MYOZ2: variants seen among roughly 807,000 people sequenced by gnomAD.
The protein encoded by MYOZ2 is myozenin 2.
MYOZ2 carries 19 observed loss-of-function variants against 25.4 expected under a neutral mutation model. The observed-to-expected ratio is 0.75, with a 90% CI of 0.52 to 1.10. The LOEUF (loss-of-function observed/expected upper bound fraction) is 1.10. Among genes scored for constraint, MYOZ2 ranks in the 50% least tolerant of loss-of-function variants. The pLI is 0.00. For missense variants in MYOZ2, 270 were observed against 317.9 expected (o/e 0.85, Z 1.15); for synonymous variants, 92 against 106.9 (o/e 0.86, Z 0.86).
At chr4:119,177,218 C>T (rs1307566062) in intron 5 of MYOZ2, among the ~76,000 whole-genome samples, 2 of 152,182 alleles carry the variant, frequency 1.3e-5, no homozygotes, top group African/African-American at 4.8e-5. Flanking sequence ...ACACACATCT[C>T]ATCTTCCTCT....
intron 2 of MYOZ2, among the ~76,000 whole-genome samples, chr4:119,148,435 C>T (rs923158152): frequency 6.6e-6 from 1 of 152,032 alleles, no homozygotes; most frequent in Non-Finnish European, 1.5e-5. Flanking sequence ...AGTACTTTTC[C>T]AGCCTCCCCT....
intron 5 of MYOZ2, among the ~76,000 whole-genome samples, chr4:119,177,428 T>C (rs1414671595): frequency 6.6e-6 from 1 of 152,202 alleles, no homozygotes; most frequent in Non-Finnish European, 1.5e-5. Flanking sequence ...AAATTCGGTC[T>C]GTGAAGACAA....
At chr4:119,173,979 C>G (rs1278583589) in intron 5 of MYOZ2, among the ~76,000 whole-genome samples, 1 of 152,236 alleles carries the variant, frequency 6.6e-6, no homozygotes. Flanking sequence ...GCCAGCCCAC[C>G]GGCGCTGCAC....
At chr4:119,180,188 C>G (rs1742159108) in intron 5 of MYOZ2, among the ~76,000 whole-genome samples, 1 of 152,088 alleles carries the variant, frequency 6.6e-6, no homozygotes, top group Non-Finnish European at 1.5e-5. Flanking sequence ...TTAGACTGCT[C>G]TATTTTATTT....
intron 3 of MYOZ2, among the ~76,000 whole-genome samples, chr4:119,153,505 TA>T (rs1741502139): frequency 6.6e-6 from 1 of 152,136 alleles, no homozygotes; most frequent in African/African-American, 2.4e-5. Context: ...GAATGATCCT[TA>T]TATGATTTTT....
At chr4:119,139,835 C>T (rs1741123137) in intron 2 of MYOZ2, among the ~76,000 whole-genome samples, 1 of 152,178 alleles carries the variant, frequency 6.6e-6, no homozygotes, top group African/African-American at 2.4e-5. Flanking sequence ...ACAGTCCTCT[C>T]ACCTGGGTTC....
At chr4:119,167,693 G>A (rs138965904) in intron 5 of MYOZ2, among the ~76,000 whole-genome samples, 81 of 152,316 alleles carry the variant, frequency 5.3e-4, no homozygotes, top group Non-Finnish European at 9.7e-4. Context: ...AACTAATGTA[G>A]CTGGTGAATT....
chr4:119,165,638 G>C (rs927085800), intron 5 of MYOZ2, among the ~76,000 whole-genome samples: 1 of 152,114 alleles, frequency 6.6e-6, no homozygotes. Context: ...TTTAAAGAGG[G>C]GTTGAGGAGT....
At chr4:119,161,010 A>T (rs1450715450) in intron 4 of MYOZ2, among the ~76,000 whole-genome samples, 1 of 151,960 alleles carries the variant, frequency 6.6e-6, no homozygotes, top group Non-Finnish European at 1.5e-5. Context: ...GTCTAGCTAT[A>T]ATTTTGCATT....
Position 119,156,672 on chromosome 4 carries a change from G to A in MYOZ2, c.247-1350G>A, listed in dbSNP as rs145701694. Reference sequence around the variant, plus strand: ...CGTTGAAAATATATATATGTTCCTGGGAAGTTAGTATATCATCAGACTATC... The same window carrying A: ...CGTTGAAAATATATATATGTTCCTGAGAAGTTAGTATATCATCAGACTATC... On this transcript the variant is annotated intron_variant, in intron 3 of 5. Transcript: ENST00000307128. Among the ~76,000 whole-genome samples the A allele has an allele frequency of 1.2e-3, 176 of 152,100 alleles. 1 individual carries two copies. The highest frequency in any genetic ancestry group is 4.1e-3 in the African/African-American group (172 of 41,498).
At position 119,158,160 on chromosome 4, in the gene MYOZ2, T is replaced by A. The variant is rs536009604; in HGVS notation, c.376+9T>A. 8.4e-5 allele frequency: 136 copies of A among 1,613,870 alleles called. 1 individual carries two copies. The South Asian group carries it at 1.2e-3, about 14-fold the overall frequency. ...AGACAACATTGCTCCAGGTAACCAA[T>A]CCCCTTACCAACAGAGCAATAAAAT... On this transcript the variant is annotated intron_variant, in intron 4 of 5. Coordinates refer to ENST00000307128, the MANE Select transcript of MYOZ2 (RefSeq NM_016599.5).
In MYOZ2 at chr4:119,185,941, C is replaced by G. The variant is rs749473028; in HGVS notation, c.561-25C>G. 1.8e-5 allele frequency: 27 copies of G among 1,488,130 alleles called. 1 individual carries two copies. Among genetic ancestry groups the G allele is most frequent in the South Asian group, 1.4e-4 (12 of 87,010 alleles). 92.2% of individuals were successfully genotyped at this position (1,488,130 alleles called of 1,614,324 possible). ...GACAAATTTGAATATTAATTGAGAT[C>G]TGTTTTTTTTTTAATTTCCCACAGG... On this transcript the variant is annotated intron_variant, in intron 5 of 5. Coordinates refer to ENST00000307128, the MANE Select transcript of MYOZ2 (RefSeq NM_016599.5).
At chr4:119,164,163 TA>T (rs1465097117) in intron 4 of MYOZ2, 47 bp from the exon 5 acceptor site, 1 of 1,547,016 alleles carries the variant, frequency 6.5e-7, no homozygotes, top group African/African-American at 1.4e-5. Context: ...TGGAGGTTAG[TA>T]ACTCTCGGGC....
chr4:119,172,966 C>T (rs1306324748), intron 5 of MYOZ2, among the ~76,000 whole-genome samples: 1 of 152,154 alleles, frequency 6.6e-6, no homozygotes, highest in African/African-American at 2.4e-5. Flanking sequence ...CACTTAACCT[C>T]TTATCTTAAT....
intron 5 of MYOZ2, among the ~76,000 whole-genome samples, chr4:119,184,014 C>G (rs528422168): frequency 6.6e-6 from 1 of 152,168 alleles, no homozygotes; most frequent in South Asian, 2.1e-4. Flanking sequence ...TGGGTTTCTC[C>G]ATGTTGGTCA....
chr4:119,185,142 T>C (rs1742263172), intron 5 of MYOZ2, among the ~76,000 whole-genome samples: 1 of 151,580 alleles, frequency 6.6e-6, no homozygotes, highest in South Asian at 2.1e-4. Flanking sequence ...CTTTTCTTTT[T>C]TTCCTTTCGT....
intron 2 of MYOZ2, among the ~76,000 whole-genome samples, chr4:119,145,840 T>A (rs1741279672): frequency 6.6e-6 from 1 of 152,220 alleles, no homozygotes; most frequent in African/African-American, 2.4e-5. Flanking sequence ...GATTTAAGTC[T>A]GAAGCCTTTT....
At chr4:119,149,167 G>A (rs1741387588) in intron 2 of MYOZ2, among the ~76,000 whole-genome samples, 1 of 149,750 alleles carries the variant, frequency 6.7e-6, no homozygotes, top group Non-Finnish European at 1.5e-5. Context: ...AACTTGAGGG[G>A]AGCCTCTTTG....
chr4:119,159,463 T>C (rs1741658605), intron 4 of MYOZ2, among the ~76,000 whole-genome samples: 1 of 152,176 alleles, frequency 6.6e-6, no homozygotes, highest in Non-Finnish European at 1.5e-5. Flanking sequence ...AGTCAGTTTA[T>C]AGTCTTTATA....
Sources: allele counts gnomAD v4.1 joint callset (sites outside exome capture counted in the v4.1 genomes callset), GRCh38; gene constraint gnomAD v4.1.1; transcripts MANE v1.5; gene names NCBI Gene and HGNC (gene_info 2026-07-23, HGNC 2026-07-21).